PARD3: variants seen among roughly 807,000 people sequenced by gnomAD.
PARD3 encodes the protein partitioning defective 3 homolog.
Under a neutral mutation model 155.4 loss-of-function variants are expected in PARD3, and 75 were observed. That is an observed-to-expected ratio of 0.48 (90% CI 0.40 to 0.58). The LOEUF (loss-of-function observed/expected upper bound fraction) is 0.58, where lower values mean the gene tolerates loss of function less well. Among genes scored for constraint, PARD3 ranks in the 20% least tolerant of loss-of-function variants. The pLI is 0.00. For synonymous variants in PARD3, 576 were observed against 610.5 expected (o/e 0.94, Z 0.83); for missense variants, 1,642 against 1,721.7 (o/e 0.95, Z 0.82).
intron 4 of PARD3, among the ~76,000 whole-genome samples, chr10:34,457,727 A>G (rs1457712892): frequency 6.6e-6 from 1 of 152,092 alleles, no homozygotes; most frequent in African/African-American, 2.4e-5. Context: ...CAGACTCCCA[A>G]GTACCTAAGA....
intron 1 of PARD3, among the ~76,000 whole-genome samples, chr10:34,708,694 G>A (rs1325614526): frequency 2.0e-5 from 3 of 152,062 alleles, no homozygotes; most frequent in East Asian, 1.9e-4. Context: ...AAGAGAAAAC[G>A]TTAAAAATAT....
chr10:34,548,211 G>A (rs1657222), intron 2 of PARD3, among the ~76,000 whole-genome samples: 56,677 of 152,060 alleles, frequency 0.37, 10,931 homozygotes, highest in South Asian at 0.45. Flanking sequence ...ATGGGCAGGC[G>A]GGCGTGGTGG....
intron 20 of PARD3, among the ~76,000 whole-genome samples, chr10:34,293,772 TA>T (rs1216400138): frequency 2.0e-5 from 3 of 152,198 alleles, no homozygotes; most frequent in Non-Finnish European, 4.4e-5. Context: ...ACTCTGATAA[TA>T]ATGAGAGATT....
At chr10:34,603,127 G>T (rs2132516665) in intron 2 of PARD3, among the ~76,000 whole-genome samples, 1 of 152,290 alleles carries the variant, frequency 6.6e-6, no homozygotes, top group Non-Finnish European at 1.5e-5. Flanking sequence ...AAAATTAACA[G>T]ACATGAGGGA....
At chr10:34,349,083 G>A (rs938434370) in intron 14 of PARD3, among the ~76,000 whole-genome samples, 1 of 152,098 alleles carries the variant, frequency 6.6e-6, no homozygotes, top group African/African-American at 2.4e-5. Flanking sequence ...TTTGATGTTA[G>A]ACAGACAGGA....
intron 2 of PARD3, among the ~76,000 whole-genome samples, chr10:34,568,277 T>C (rs1011661988): frequency 2.0e-4 from 30 of 152,218 alleles, no homozygotes; most frequent in African/African-American, 7.2e-4. Context: ...GGTTGAAGTT[T>C]GCCACCATAA....
intron 2 of PARD3, among the ~76,000 whole-genome samples, chr10:34,624,097 A>G (rs1344583728): frequency 1.3e-5 from 2 of 152,098 alleles, no homozygotes; most frequent in Non-Finnish European, 2.9e-5. Context: ...CCTATTCCAC[A>G]TGGTTTTTTG....
chr10:34,537,455 G>A (rs1030552196), intron 2 of PARD3, among the ~76,000 whole-genome samples: 11 of 152,326 alleles, frequency 7.2e-5, no homozygotes, highest in African/African-American at 2.4e-4. Flanking sequence ...ACTACAAAAG[G>A]AGCAACCAGG....
At chr10:34,509,382 C>A (rs769465381) in intron 3 of PARD3, among the ~76,000 whole-genome samples, 3 of 152,140 alleles carry the variant, frequency 2.0e-5, no homozygotes, top group Non-Finnish European at 4.4e-5. Flanking sequence ...TTCTTCCCAT[C>A]CAATTCTCCA....
At chr10:34,687,846 C>CTTTTTT (rs397846339) in intron 2 of PARD3, among the ~76,000 whole-genome samples, 805 of 63,700 alleles carry the variant, frequency 0.013, 177 homozygotes, top group African/African-American at 0.037. Flanking sequence ...CACCTGAAAT[C>CTTTTTT]TTTTTTTTTT....
intron 20 of PARD3, among the ~76,000 whole-genome samples, chr10:34,287,376 T>C (rs1956451807): frequency 6.6e-6 from 1 of 152,194 alleles, no homozygotes; most frequent in Non-Finnish European, 1.5e-5. Flanking sequence ...GACATTGTGC[T>C]GGCTCACATT....
At chr10:34,544,950 A>G (rs2083924957) in intron 2 of PARD3, among the ~76,000 whole-genome samples, 1 of 152,238 alleles carries the variant, frequency 6.6e-6, no homozygotes, top group African/African-American at 2.4e-5. Context: ...GCCACAGGCA[A>G]GAACACTTTC....
At chr10:34,798,841 C>T (rs1842573634) in intron 1 of PARD3, among the ~76,000 whole-genome samples, 1 of 152,124 alleles carries the variant, frequency 6.6e-6, no homozygotes, top group Non-Finnish European at 1.5e-5. Context: ...AGCAGGGTTG[C>T]AAATCACATA....
At chr10:34,641,403 G>A (rs1437329934) in intron 2 of PARD3, among the ~76,000 whole-genome samples, 1 of 152,218 alleles carries the variant, frequency 6.6e-6, no homozygotes, top group African/African-American at 2.4e-5. Flanking sequence ...TCAGCAGAAA[G>A]GCACAGTCCT....
intron 2 of PARD3, among the ~76,000 whole-genome samples, chr10:34,522,254 C>G (rs914347408): frequency 6.6e-6 from 1 of 152,102 alleles, no homozygotes; most frequent in African/African-American, 2.4e-5. Flanking sequence ...ACCTTGAAGA[C>G]AAACAAAGGG....
At chr10:34,521,914 T>G (rs573886569) in intron 2 of PARD3, among the ~76,000 whole-genome samples, 25 of 152,304 alleles carry the variant, frequency 1.6e-4, no homozygotes, top group Non-Finnish European at 3.1e-4. Flanking sequence ...CCTTATTTTT[T>G]GGGTAGCTGT....
chr10:34,267,637 A>G (rs567158064), intron 22 of PARD3, among the ~76,000 whole-genome samples: 1 of 152,308 alleles, frequency 6.6e-6, no homozygotes, highest in South Asian at 2.1e-4. Context: ...GCATCTGCAA[A>G]CCTCTATTAA....
chr10:34,348,021 C>T lies in PARD3; in HGVS notation c.2162G>A (p.Gly721Glu). Residue 721 changes from glycine to glutamate, a missense_variant, in exon 15 of 25, where the codon GGG (glycine) becomes GAG (glutamate). Physicochemically the swap from Gly to Glu is moderately conservative, Grantham distance 98. Around this residue, in one of 3 missense-constraint regions of PARD3, gnomAD observed 1,529 missense variants for 1,587.3 expected, o/e 0.96. Transcript: ENST00000374788. ...ERRISHSLYS[G>E]IEGLDESPSR... Reference sequence around the variant, plus strand: ...GGGCGATTCATCAAGCCCCTCAATCCCACTGTAGAGGGAATGGGAAATTCT... The same window carrying T: ...GGGCGATTCATCAAGCCCCTCAATCTCACTGTAGAGGGAATGGGAAATTCT... 3 of 1,613,406 alleles carry T rather than the reference C, an allele frequency of 1.9e-6. No individual in the cohort carries two copies. Among genetic ancestry groups the T allele is most frequent in the Non-Finnish European group, 2.5e-6 (3 of 1,179,672 alleles).
chr10:34,484,652 G>C (rs2079320338), intron 3 of PARD3, among the ~76,000 whole-genome samples: 1 of 152,014 alleles, frequency 6.6e-6, no homozygotes, highest in South Asian at 2.1e-4. Flanking sequence ...CTCTGCCCTC[G>C]TGAAGTTTTC....
Sources: allele counts gnomAD v4.1 joint callset (sites outside exome capture counted in the v4.1 genomes callset), GRCh38; gene constraint gnomAD v4.1.1; regional missense constraint gnomAD v4.1.1; transcripts MANE v1.5; gene names NCBI Gene and HGNC (gene_info 2026-07-23, HGNC 2026-07-21).